Variants in AR observed in about 807,000 individuals in gnomAD.
AR encodes androgen receptor, also known as dihydrotestosterone receptor.
AR carries 8 observed loss-of-function variants against 53.9 expected under a neutral mutation model. The ratio of observed to expected loss-of-function variants is 0.15; its 90% CI spans 0.09 to 0.27. The LOEUF is 0.27. Among genes scored for constraint, AR ranks in the 10% least tolerant of loss-of-function variants. The pLI, the probability that AR is intolerant of heterozygous loss-of-function variation, is 1.00. For synonymous variants in AR, 359 were observed against 316.4 expected, an observed-to-expected ratio of 1.13 and a Z score of -1.43; for missense variants, 639 against 742.5, an observed-to-expected ratio of 0.86 and a Z score of 1.62.
chrX:67,635,167 G>A (rs1263077516), intron 1 of AR, among the ~76,000 whole-genome samples: 1 of 110,926 alleles, frequency 9.0e-6, no homozygotes, highest in Non-Finnish European at 1.9e-5. Context: ...AAAGATTAAG[G>A]CAACCAAGAC....
intron 2 of AR, among the ~76,000 whole-genome samples, chrX:67,645,328 G>C (rs1444780852): frequency 1.8e-5 from 2 of 111,667 alleles, no homozygotes; most frequent in African/African-American, 6.5e-5. Flanking sequence ...CATCCCACAT[G>C]GGAGCTTTCT....
chrX:67,720,539 T>C (rs935378792), intron 5 of AR, among the ~76,000 whole-genome samples: 3 of 112,041 alleles, frequency 2.7e-5, no homozygotes, highest in African/African-American at 9.7e-5. Context: ...TTCTCTACAG[T>C]GAAAGAGCTT....
At position 67,545,755 on chromosome X, in the gene AR, C is replaced by A. The variant is rs776415088; in HGVS notation, c.609C>A (p.Ser203=). ...LLQQQQQEAV[S]EGSSSGRARE... ...AGCAACAGCAGCAGGAAGCAGTATCCGAAGGCAGCAGCAGCGGGAGAGCGA... is the reference window on the plus strand; with the variant it reads ...AGCAACAGCAGCAGGAAGCAGTATCAGAAGGCAGCAGCAGCGGGAGAGCGA... Residue 203 remains serine, a synonymous_variant, in exon 1 of 8, where the codon TCC becomes TCA. Transcript: ENST00000374690. 8 of 1,210,294 alleles carry A rather than the reference C, an allele frequency of 6.6e-6. No homozygotes were observed. The South Asian group carries it at 1.4e-4, about 21-fold the overall frequency.
intron 3 of AR, among the ~76,000 whole-genome samples, chrX:67,688,530 G>A (rs1351348108): frequency 9.0e-6 from 1 of 111,568 alleles, no homozygotes; most frequent in African/African-American, 3.3e-5. Flanking sequence ...TTTACCCTAA[G>A]TAACTTGGTA....
rs2076137959 is a variant in AR at position 67,721,973 on chromosome X, T to G, written c.2449+10T>G. 5 of 1,208,626 alleles carry G rather than the reference T, an allele frequency of 4.1e-6. No individual in the cohort carries two copies. Among genetic ancestry groups the G allele is most frequent in the Non-Finnish European group, 5.6e-6 (5 of 894,570 alleles). ...CTACTCTTCAGCATTAGTAAGTGCC[T>G]AGAAGTGCAGGGAATGCCCCCTGAG... On this transcript the variant is annotated intron_variant, in intron 6 of 7. Coordinates refer to ENST00000374690, the MANE Select transcript of AR (RefSeq NM_000044.6).
intron 1 of AR, among the ~76,000 whole-genome samples, chrX:67,588,531 G>A (rs1922667066): frequency 8.9e-6 from 1 of 111,766 alleles, no homozygotes; most frequent in Non-Finnish European, 1.9e-5. Flanking sequence ...GAGAGGGAAT[G>A]CTAGCTGGCA....
chrX:67,654,435 A>G (rs1256347611), intron 2 of AR, among the ~76,000 whole-genome samples: 1 of 111,059 alleles, frequency 9.0e-6, no homozygotes, highest in Non-Finnish European at 1.9e-5. Flanking sequence ...ATGAGAATAT[A>G]ACAAAGGTCA....
At chrX:67,663,949 G>A (rs753514108) in intron 2 of AR, among the ~76,000 whole-genome samples, 111 of 112,037 alleles carry the variant, frequency 9.9e-4, no homozygotes, top group African/African-American at 3.4e-3. Flanking sequence ...CGTAGTTCTC[G>A]TGCTGTGTTT....
chrX:67,711,367 G>T (rs2147523946), intron 3 of AR, 35 bp from the exon 4 acceptor site: 1 of 1,169,746 alleles, frequency 8.5e-7, no homozygotes, highest in Middle Eastern at 2.3e-4. Flanking sequence ...TTTGACCACT[G>T]ATGATAAATT....
intron 4 of AR, among the ~76,000 whole-genome samples, chrX:67,713,381 A>T (rs190096629): frequency 9.0e-6 from 1 of 111,491 alleles, no homozygotes; most frequent in African/African-American, 3.3e-5. Flanking sequence ...GAGGAAAAAT[A>T]TAAAAAAGAA....
chrX:67,716,679 G>C (rs1309501769), intron 4 of AR, among the ~76,000 whole-genome samples: 1 of 111,433 alleles, frequency 9.0e-6, no homozygotes, highest in Non-Finnish European at 1.9e-5. Flanking sequence ...GCAAGAGAGG[G>C]AACATGAAAG....
At chrX:67,634,480 G>A (rs138201119) in intron 1 of AR, among the ~76,000 whole-genome samples, 2,969 of 111,791 alleles carry the variant, frequency 0.027, 107 homozygotes, top group African/African-American at 0.092. Flanking sequence ...AGTCAAATGA[G>A]TTGTTCAAGG....
chrX:67,554,190 A>G (rs186415032), intron 1 of AR, among the ~76,000 whole-genome samples: 91 of 112,467 alleles, frequency 8.1e-4, no homozygotes, highest in Non-Finnish European at 1.1e-3. Context: ...TTTGGGAACT[A>G]TTAGCAAGGC....
At chrX:67,616,335 A>G (rs764752689) in intron 1 of AR, among the ~76,000 whole-genome samples, 2 of 109,998 alleles carry the variant, frequency 1.8e-5, no homozygotes, top group Non-Finnish European at 3.8e-5. Context: ...TCCTAATACT[A>G]TCCCTCCCCC....
chrX:67,608,399 G>A (rs765838966), intron 1 of AR, among the ~76,000 whole-genome samples: 1 of 111,819 alleles, frequency 8.9e-6, no homozygotes, highest in South Asian at 3.8e-4. Flanking sequence ...CTTCAGTGGT[G>A]CCAGCTTAAG....
chrX:67,656,569 AC>A (rs1926605056), intron 2 of AR, among the ~76,000 whole-genome samples: 1 of 111,889 alleles, frequency 8.9e-6, no homozygotes, highest in Admixed American at 9.5e-5. Context: ...TGTGTTAAGT[AC>A]TATACTAAGT....
At chrX:67,695,821 T>TCACA (rs1253627649) in intron 3 of AR, 1 of 677,826 alleles carries the variant, frequency 1.5e-6, no homozygotes, top group Non-Finnish European at 1.7e-6. Flanking sequence ...TCTCTCTCTC[T>TCACA]CACACACACA....
intron 2 of AR, among the ~76,000 whole-genome samples, chrX:67,683,016 G>A (rs1001526840): frequency 4.5e-5 from 5 of 111,816 alleles, no homozygotes. Context: ...GTATGTTTTG[G>A]TGTGTTTTAT....
chrX:67,599,013 G>A (rs1489765994), intron 1 of AR, among the ~76,000 whole-genome samples: 1 of 111,195 alleles, frequency 9.0e-6, no homozygotes, highest in Non-Finnish European at 1.9e-5. Flanking sequence ...AAGTGGAAAC[G>A]TGAGATGAGA....
Sources: allele counts gnomAD v4.1 joint callset (sites outside exome capture counted in the v4.1 genomes callset), GRCh38; gene constraint gnomAD v4.1.1; transcripts MANE v1.5; gene names NCBI Gene and HGNC (gene_info 2026-07-23, HGNC 2026-07-21).